Variants in C8orf34 observed in about 807,000 individuals in gnomAD.
The protein encoded by C8orf34 is chromosome 8 open reading frame 34.
In C8orf34, 65 loss-of-function variants were observed where a neutral mutation model predicts 68.3. That is an observed-to-expected ratio of 0.95 (90% confidence interval 0.78 to 1.17). The LOEUF (loss-of-function observed/expected upper bound fraction) is 1.17, where lower values mean the gene tolerates loss of function less well. C8orf34 is among the 50% of genes most tolerant of loss of function. The pLI is 0.00. For missense variants in C8orf34, 664 were observed against 655.4 expected, an observed-to-expected ratio of 1.01 and a Z score of -0.14; for synonymous variants, 244 against 241.2, an observed-to-expected ratio of 1.01 and a Z score of -0.11.
At chr8:68,691,773 C>T (rs560687235) in intron 8 of C8orf34, among the ~76,000 whole-genome samples, 2 of 152,104 alleles carry the variant, frequency 1.3e-5, no homozygotes, top group East Asian at 3.9e-4. Flanking sequence ...AAAGGTGAGT[C>T]CTCCTTTTCT....
intron 2 of C8orf34, among the ~76,000 whole-genome samples, chr8:68,440,339 C>T (rs1298374734): frequency 6.6e-6 from 1 of 152,154 alleles, no homozygotes; most frequent in Non-Finnish European, 1.5e-5. Flanking sequence ...CTCCAAATGA[C>T]TTTCCTTGGA....
chr8:68,605,515 G>A (rs980210278), intron 7 of C8orf34, among the ~76,000 whole-genome samples: 1 of 135,108 alleles, frequency 7.4e-6, no homozygotes, highest in Non-Finnish European at 1.5e-5. Context: ...ATGAAACTGA[G>A]TATTTTTTAG....
At chr8:68,344,391 G>A (rs1806195813) in intron 1 of C8orf34, among the ~76,000 whole-genome samples, 1 of 152,096 alleles carries the variant, frequency 6.6e-6, no homozygotes, top group Non-Finnish European at 1.5e-5. Context: ...TGGGTGTCAG[G>A]GATGGAGTAG....
At chr8:68,551,021 T>C (rs1816052179) in intron 7 of C8orf34, among the ~76,000 whole-genome samples, 1 of 151,886 alleles carries the variant, frequency 6.6e-6, no homozygotes, top group Admixed American at 6.6e-5. Context: ...TAATGTTCTC[T>C]GAGCTTCTTG....
At chr8:68,792,571 C>CAAAAAAAAA (rs1162293308) in intron 12 of C8orf34, 10 of 42,294 alleles carry the variant, frequency 2.4e-4, no homozygotes, top group Admixed American at 8.5e-4. Flanking sequence ...GACTCCATCT[C>CAAAAAAAAA]AAAAAAAAAA....
At chr8:68,472,812 A>G (rs1200246225) in intron 4 of C8orf34, among the ~76,000 whole-genome samples, 1 of 152,074 alleles carries the variant, frequency 6.6e-6, no homozygotes, top group Admixed American at 6.6e-5. Context: ...TTTTCGAGAT[A>G]TTTTATATTC....
chr8:68,617,886 A>G (rs532795098), intron 7 of C8orf34, among the ~76,000 whole-genome samples: 3 of 152,306 alleles, frequency 2.0e-5, no homozygotes, highest in East Asian at 3.9e-4. Context: ...GTGTTTTCCA[A>G]CTTGATTCCA....
chr8:68,361,617 G>A (rs2129619383), intron 1 of C8orf34, among the ~76,000 whole-genome samples: 1 of 152,268 alleles, frequency 6.6e-6, no homozygotes, highest in African/African-American at 2.4e-5. Context: ...TTTCTGTTGT[G>A]CTTATGAGCT....
At chr8:68,765,421 A>G (rs1041230280) in intron 10 of C8orf34, among the ~76,000 whole-genome samples, 1 of 152,232 alleles carries the variant, frequency 6.6e-6, no homozygotes, top group Non-Finnish European at 1.5e-5. Context: ...CCCATTAAGC[A>G]AAAGAAATAA....
chr8:68,733,908 G>A lies in C8orf34; in HGVS notation c.1404+12471G>A, dbSNP rs114099704. Among the ~76,000 whole-genome samples the A allele has an allele frequency of 7.6e-3, 1,151 of 152,228 alleles. 19 individuals carry two copies. Among genetic ancestry groups the A allele is most frequent in the African/African-American group, 0.026 (1,091 of 41,524 alleles). Reference sequence around the variant, plus strand: ...AAGTAAGTAAATATCTCTCCACGATGTCACAACTACAAAAATGTATTAGTA... The same window carrying A: ...AAGTAAGTAAATATCTCTCCACGATATCACAACTACAAAAATGTATTAGTA... On this transcript the variant is annotated intron_variant, in intron 10 of 13. Transcript: ENST00000518698.
chr8:68,554,621 A>T (rs183550077), intron 7 of C8orf34, among the ~76,000 whole-genome samples: 34 of 152,282 alleles, frequency 2.2e-4, no homozygotes, highest in African/African-American at 7.9e-4. Flanking sequence ...GCATTGCTAC[A>T]GGTTAAGCCA....
chr8:68,535,078 G>A (rs1815405687), intron 7 of C8orf34: 6 of 985,072 alleles, frequency 6.1e-6, no homozygotes, highest in Non-Finnish European at 7.2e-6. Flanking sequence ...CTTATAGCTT[G>A]GAATGTTACA....
At chr8:68,686,843 T>C (rs1026245970) in intron 8 of C8orf34, among the ~76,000 whole-genome samples, 1 of 152,094 alleles carries the variant, frequency 6.6e-6, no homozygotes, top group African/African-American at 2.4e-5. Flanking sequence ...CTAGTGCTGT[T>C]CACCAATGAT....
At chr8:68,534,546 A>G in intron 7 of C8orf34, 2 of 838,814 alleles carry the variant, frequency 2.4e-6, no homozygotes, top group Non-Finnish European at 2.9e-6. Context: ...CACCTAAAGC[A>G]GAGGTAAGGG....
intron 1 of C8orf34, among the ~76,000 whole-genome samples, chr8:68,342,380 T>A (rs1359229608): frequency 6.6e-6 from 1 of 152,166 alleles, no homozygotes; most frequent in Admixed American, 6.5e-5. Flanking sequence ...TGAAAGACTG[T>A]ATTAAAAAGA....
At chr8:68,651,706 C>A (rs1819363226) in intron 8 of C8orf34, among the ~76,000 whole-genome samples, 1 of 152,208 alleles carries the variant, frequency 6.6e-6, no homozygotes, top group Non-Finnish European at 1.5e-5. Context: ...ACACTGGGTA[C>A]ACATGGACAT....
At chr8:68,655,031 T>A (rs9298135) in intron 8 of C8orf34, among the ~76,000 whole-genome samples, 5 of 152,184 alleles carry the variant, frequency 3.3e-5, no homozygotes, top group Non-Finnish European at 7.4e-5. Context: ...ATTGTCTGGA[T>A]TTTCTAGAGG....
chr8:68,474,884 G>T (rs1586215764), intron 4 of C8orf34, among the ~76,000 whole-genome samples: 1 of 152,156 alleles, frequency 6.6e-6, no homozygotes. Context: ...CCCAGGAGAA[G>T]CAAGGAACAC....
chr8:68,812,897 T>C (rs1349413930), intron 12 of C8orf34, among the ~76,000 whole-genome samples: 3 of 152,214 alleles, frequency 2.0e-5, no homozygotes, highest in Admixed American at 6.5e-5. Context: ...GGTTTGTTGA[T>C]ATCTGATAGA....
Sources: gnomAD v4.1 joint callset for allele counts (sites outside exome capture counted in the v4.1 genomes callset) on GRCh38, gnomAD v4.1.1 for gene constraint, MANE v1.5 for transcripts, NCBI Gene and HGNC (gene_info 2026-07-23, HGNC 2026-07-21) for gene names.